AGMO: variants seen among roughly 807,000 people sequenced by gnomAD.
AGMO encodes glyceryl-ether monooxygenase.
Under a neutral mutation model 60.2 loss-of-function variants are expected in AGMO, and 75 were observed. That is an observed-to-expected ratio of 1.25 (90% CI 1.03 to 1.51). The LOEUF (loss-of-function observed/expected upper bound fraction) is 1.51. Among genes scored for constraint, AGMO ranks in the 40% most tolerant of loss-of-function variants. The pLI is 0.00. For synonymous variants in AGMO, 261 were observed against 177.1 expected (o/e 1.47, Z -3.76); for missense variants, 763 against 525.5 (o/e 1.45, Z -4.42).
chr7:15,416,908 C>T (rs1217290178), intron 5 of AGMO, among the ~76,000 whole-genome samples: 2 of 152,140 alleles, frequency 1.3e-5, no homozygotes, highest in African/African-American at 4.8e-5. Flanking sequence ...ATACTCCTCC[C>T]ACTCCAGTCC....
intron 3 of AGMO, among the ~76,000 whole-genome samples, chr7:15,530,338 A>T (rs1182939023): frequency 2.9e-5 from 3 of 105,160 alleles, no homozygotes; most frequent in Non-Finnish European, 5.5e-5. Context: ...TTCCATATAT[A>T]TTCTATATAC....
At chr7:15,322,623 TATATATAAATATATATAAATATATAA>T (rs1781185738) in intron 12 of AGMO, among the ~76,000 whole-genome samples, 1 of 57,610 alleles carries the variant, frequency 1.7e-5, no homozygotes, top group Non-Finnish European at 2.8e-5. Flanking sequence ...AATATATAAA[TATATATAAATATATATAAATATATAA>T]ATATATATAT....
intron 12 of AGMO, among the ~76,000 whole-genome samples, chr7:15,349,178 A>G (rs537789779): frequency 1.3e-5 from 2 of 152,242 alleles, no homozygotes; most frequent in East Asian, 3.9e-4. Flanking sequence ...TCTTGGCACA[A>G]GGACTCTCAG....
intron 5 of AGMO, among the ~76,000 whole-genome samples, chr7:15,408,584 G>C (rs982727536): frequency 6.6e-6 from 1 of 151,750 alleles, no homozygotes; most frequent in Non-Finnish European, 1.5e-5. Context: ...GAAAAAATAG[G>C]TACACATTGG....
chr7:15,515,959 C>T (rs1333032065), intron 3 of AGMO, among the ~76,000 whole-genome samples: 7 of 151,920 alleles, frequency 4.6e-5, no homozygotes, highest in South Asian at 2.1e-4. Context: ...TTCAAGAGAT[C>T]GATCGTACAC....
At chr7:15,388,334 T>TA (rs953236767) in intron 8 of AGMO, among the ~76,000 whole-genome samples, 1 of 151,962 alleles carries the variant, frequency 6.6e-6, no homozygotes, top group Non-Finnish European at 1.5e-5. Context: ...TTGGAAAAAT[T>TA]AAAAAAATTG....
intron 12 of AGMO, among the ~76,000 whole-genome samples, chr7:15,343,443 A>T (rs1046383825): frequency 2.0e-5 from 3 of 152,218 alleles, no homozygotes; most frequent in African/African-American, 4.8e-5. Context: ...TCTTAGGATT[A>T]AGAGATTTTA....
intron 12 of AGMO, among the ~76,000 whole-genome samples, chr7:15,272,203 A>G (rs1312379734): frequency 6.6e-6 from 1 of 151,756 alleles, no homozygotes; most frequent in Non-Finnish European, 1.5e-5. Flanking sequence ...ATATGTATAC[A>G]TGTGCCATGT....
intron 10 of AGMO, among the ~76,000 whole-genome samples, chr7:15,378,836 A>G (rs1053705877): frequency 6.6e-6 from 1 of 151,402 alleles, no homozygotes; most frequent in Non-Finnish European, 1.5e-5. Flanking sequence ...TACATGACAC[A>G]TAATCTAAAA....
chr7:15,150,204 G>A, the AGMO span, among the ~76,000 whole-genome samples: 2 of 151,916 alleles, frequency 1.3e-5, no homozygotes, highest in Admixed American at 1.3e-4. Flanking sequence ...GGAGCCTTTG[G>A]GTAGACTATG....
intron 10 of AGMO, among the ~76,000 whole-genome samples, chr7:15,379,336 G>A (rs1783583478): frequency 6.6e-6 from 1 of 151,920 alleles, no homozygotes; most frequent in South Asian, 2.1e-4. Flanking sequence ...GAGCTGTTTT[G>A]GGGAAAACAT....
At chr7:15,303,417 G>T (rs540996474) in intron 12 of AGMO, among the ~76,000 whole-genome samples, 1 of 148,994 alleles carries the variant, frequency 6.7e-6, no homozygotes, top group African/African-American at 2.5e-5. Flanking sequence ...CATCAAACAA[G>T]GAAGAGAATG....
At chr7:15,278,858 A>G (rs1425736344) in intron 12 of AGMO, among the ~76,000 whole-genome samples, 3 of 152,142 alleles carry the variant, frequency 2.0e-5, no homozygotes, top group Non-Finnish European at 2.9e-5. Flanking sequence ...TATAGTACTC[A>G]CATGGGGACA....
At chr7:15,218,329 G>A (rs865908168) in intron 12 of AGMO, among the ~76,000 whole-genome samples, 1 of 141,524 alleles carries the variant, frequency 7.1e-6, no homozygotes, top group South Asian at 2.4e-4. Context: ...GTGTGTGTAT[G>A]TGTGTGTGTG....
At chr7:15,345,901 G>C (rs958043408) in intron 12 of AGMO, among the ~76,000 whole-genome samples, 1 of 151,908 alleles carries the variant, frequency 6.6e-6, no homozygotes, top group Non-Finnish European at 1.5e-5. Flanking sequence ...TTGAGTATGT[G>C]AGTAATGGCT....
At chr7:15,235,079 A>C (rs1782376096) in intron 12 of AGMO, among the ~76,000 whole-genome samples, 1 of 152,040 alleles carries the variant, frequency 6.6e-6, no homozygotes, top group Non-Finnish European at 1.5e-5. Flanking sequence ...TCTTCTTTCT[A>C]TAGATTCTGC....
chr7:15,291,337 G>A (rs547392108), intron 12 of AGMO, among the ~76,000 whole-genome samples: 8 of 152,012 alleles, frequency 5.3e-5, no homozygotes, highest in East Asian at 1.9e-4. Flanking sequence ...GAAACGTTAC[G>A]ATTCTATAAC....
the AGMO span, among the ~76,000 whole-genome samples, chr7:15,156,603 G>C: frequency 6.6e-6 from 1 of 152,198 alleles, no homozygotes; most frequent in Non-Finnish European, 1.5e-5. Flanking sequence ...GGTCAATGAT[G>C]AGAGTAAGCC....
At chr7:15,274,971 T>G (rs1319251773) in intron 12 of AGMO, among the ~76,000 whole-genome samples, 2 of 152,030 alleles carry the variant, frequency 1.3e-5, no homozygotes, top group Admixed American at 1.3e-4. Flanking sequence ...CCTATCGATT[T>G]TTTTTTATCC....
Sources: allele counts gnomAD v4.1 joint callset (sites outside exome capture counted in the v4.1 genomes callset), GRCh38; gene constraint gnomAD v4.1.1; transcripts MANE v1.5; gene names NCBI Gene and HGNC (gene_info 2026-07-23, HGNC 2026-07-21).